TXNRD2: variants seen among roughly 807,000 people sequenced by gnomAD.
The protein encoded by TXNRD2 is thioredoxin reductase 2, mitochondrial.
Under a neutral mutation model 70.8 loss-of-function variants are expected in TXNRD2, and 67 were observed. The ratio of observed to expected loss-of-function variants is 0.95; its 90% CI spans 0.78 to 1.16. TXNRD2 has a LOEUF of 1.16. Among genes scored for constraint, TXNRD2 ranks in the 50% most tolerant of loss-of-function variants. TXNRD2 has a pLI of 0.00. For missense variants in TXNRD2, 644 were observed against 719.9 expected (o/e 0.89, Z 1.21); for synonymous variants, 301 against 295.8 (o/e 1.02, Z -0.18).
chr22:19,927,240 G>A (rs1418857430), intron 2 of TXNRD2, among the ~76,000 whole-genome samples: 2 of 152,174 alleles, frequency 1.3e-5, no homozygotes, highest in Non-Finnish European at 2.9e-5. Context: ...AGTGCAGTGA[G>A]CTGAGATTGT....
chr22:19,901,481 C>A (rs1939775673), intron 8 of TXNRD2, among the ~76,000 whole-genome samples: 1 of 152,192 alleles, frequency 6.6e-6, no homozygotes, highest in Non-Finnish European at 1.5e-5. Context: ...TGTGGAGGGT[C>A]ATTTTGGGCC....
intron 8 of TXNRD2, among the ~76,000 whole-genome samples, chr22:19,903,574 G>A (rs1233441695): frequency 6.6e-6 from 1 of 152,246 alleles, no homozygotes; most frequent in African/African-American, 2.4e-5. Context: ...CCCGGTGGAG[G>A]CAGCCCTCCA....
chr22:19,919,126 C>T (rs1327995943), intron 3 of TXNRD2, 122 bp from the exon 4 acceptor site: 5 of 907,298 alleles, frequency 5.5e-6, no homozygotes, highest in Non-Finnish European at 6.9e-6. Flanking sequence ...GACCAGCTGA[C>T]ATGCCACACG....
Position 19,880,278 on chromosome 22 carries a change from G to A in TXNRD2, c.1183-7C>T. The A allele has an allele frequency of 6.2e-7, 1 of 1,613,336 alleles. No homozygotes were observed. The highest frequency in any genetic ancestry group is 2.2e-5 in the East Asian group (1 of 44,876). On this transcript the variant is annotated splice_region_variant and splice_polypyrimidine_tract_variant and intron_variant, in intron 13 of 17. Transcript: ENST00000400521. ...TGAAGACGGTCGTGGGAACCTGAAA[G>A]CAGGTCTGGAGTCAGGGAGGGCCCT...
intron 2 of TXNRD2, among the ~76,000 whole-genome samples, chr22:19,922,982 C>G (rs567292763): frequency 6.6e-6 from 1 of 152,114 alleles, no homozygotes; most frequent in Non-Finnish European, 1.5e-5. Flanking sequence ...CCACCATGCC[C>G]GGCCAGGAAG....
chr22:19,918,325 A>C (rs1286934768), intron 4 of TXNRD2, 108 bp from the exon 5 acceptor site: 1 of 1,065,886 alleles, frequency 9.4e-7, no homozygotes, highest in African/African-American at 1.6e-5. Flanking sequence ...ATATCAAAAA[A>C]CAAGAGTGCT....
At chr22:19,904,208 C>T (rs1939904116) in intron 8 of TXNRD2, among the ~76,000 whole-genome samples, 1 of 152,160 alleles carries the variant, frequency 6.6e-6, no homozygotes, top group Non-Finnish European at 1.5e-5. Flanking sequence ...CACCCACCCA[C>T]AAGCTCACAC....
intron 12 of TXNRD2, among the ~76,000 whole-genome samples, chr22:19,881,594 G>C (rs1230584249): frequency 6.6e-6 from 1 of 152,184 alleles, no homozygotes; most frequent in South Asian, 2.1e-4. Context: ...CTGGCAAAAC[G>C]GTTTGAAATG....
rs1289695239 is a variant in TXNRD2 at position 19,931,956 on chromosome 22, CG to C, written c.104-859del. Reference sequence around the variant, plus strand: ...CGGGTGGATCACAAGGTTAGGAGATCGAGACCATCCTGGCTAACACAGTGAA... The same window carrying C: ...CGGGTGGATCACAAGGTTAGGAGATCAGACCATCCTGGCTAACACAGTGAA... On this transcript the variant is annotated intron_variant, in intron 1 of 17. Coordinates refer to ENST00000400521, the MANE Select transcript of TXNRD2 (RefSeq NM_006440.5). Among the ~76,000 whole-genome samples, 5 of 151,774 alleles carry C rather than the reference CG, an allele frequency of 3.3e-5. No homozygotes were observed. The East Asian group carries it at 5.8e-4, about 18-fold the overall frequency.
chr22:19,880,538 G>A (rs990529977), intron 13 of TXNRD2, 84 bp downstream of exon 13: 17 of 1,259,078 alleles, frequency 1.4e-5, no homozygotes, highest in East Asian at 1.2e-4. Flanking sequence ...GACACACAGC[G>A]CACAAAGGCC....
At position 19,915,770 on chromosome 22, in the gene TXNRD2, T is replaced by C; in HGVS notation, c.523A>G (p.Lys175Glu). 6.2e-7 allele frequency: 1 copy of C among 1,614,166 alleles called. No homozygotes were observed. The highest frequency in any genetic ancestry group is 8.5e-7 in the Non-Finnish European group (1 of 1,180,016). The change falls in exon 6 of 18, where the codon AAA (lysine) becomes GAA (glutamate). Residue 175 changes from lysine (K) to glutamate (E), a missense_variant. Around this residue, in one of 3 missense-constraint regions of TXNRD2, gnomAD observed 566 missense variants for 645.0 expected, o/e 0.88. Transcript: ENST00000400521. The stretch of plus-strand genomic sequence containing the variant: ...CGAGTAAGTCAGATGCTCACCTCTT[T>C]CCCACCTTTGGCAACGCCGCAAACC... Reference protein sequence around the residue: ...HTVCGVAKGGKEILLSADHII... With the variant: ...HTVCGVAKGGEEILLSADHII...
intron 2 of TXNRD2, among the ~76,000 whole-genome samples, chr22:19,923,912 TGGTAACTTG>T (rs1347625853): frequency 7.0e-6 from 1 of 143,520 alleles, no homozygotes; most frequent in Non-Finnish European, 1.5e-5. Flanking sequence ...CTGCCTTGCC[TGGTAACTTG>T]GGTACCTGGT....
intron 8 of TXNRD2, among the ~76,000 whole-genome samples, chr22:19,906,856 G>A: frequency 6.8e-6 from 1 of 147,554 alleles, no homozygotes; most frequent in Non-Finnish European, 1.5e-5. Flanking sequence ...TCAGGAGAGT[G>A]TGGGCGCCGT....
intron 14 of TXNRD2, among the ~76,000 whole-genome samples, chr22:19,879,646 C>T (rs998301075): frequency 1.3e-5 from 2 of 151,750 alleles, no homozygotes; most frequent in African/African-American, 2.4e-5. Flanking sequence ...AAGCAGAGGT[C>T]GGAGGCCCCT....
intron 11 of TXNRD2, 185 bp downstream of exon 11, chr22:19,895,222 C>T: frequency 1.3e-6 from 2 of 1,597,130 alleles, no homozygotes; most frequent in Non-Finnish European, 1.7e-6. Context: ...AAGATGGGCA[C>T]AGCCTAGTGT....
chr22:19,917,955 A>AG (rs1322103202), intron 5 of TXNRD2, among the ~76,000 whole-genome samples, 188 bp downstream of exon 5: 2 of 152,148 alleles, frequency 1.3e-5, no homozygotes, highest in Non-Finnish European at 1.5e-5. Context: ...TCAGCAGCAA[A>AG]GGGCAGTCTC....
At chr22:19,895,690 C>T (rs1601410440) in intron 10 of TXNRD2, 109 bp from the exon 11 acceptor site, 15 of 1,304,490 alleles carry the variant, frequency 1.1e-5, no homozygotes, top group Admixed American at 1.9e-5. Context: ...GGGGTCTGTG[C>T]GGAAGACGGG....
chr22:19,916,262 G>T (rs1940634366), intron 5 of TXNRD2: 2 of 232,160 alleles, frequency 8.6e-6, no homozygotes, highest in South Asian at 1.2e-4. Flanking sequence ...CAAGAGAACG[G>T]GCATGACAAG....
intron 2 of TXNRD2, among the ~76,000 whole-genome samples, chr22:19,930,528 A>G (rs1233753843): frequency 6.6e-6 from 1 of 151,860 alleles, no homozygotes; most frequent in Non-Finnish European, 1.5e-5. Context: ...CAGGCCAAGT[A>G]CAAGACTCAC....
Sources: gnomAD v4.1 joint callset for allele counts (sites outside exome capture counted in the v4.1 genomes callset) on GRCh38, gnomAD v4.1.1 for gene constraint, gnomAD v4.1.1 regional missense constraint, MANE v1.5 for transcripts, NCBI Gene and HGNC (gene_info 2026-07-23, HGNC 2026-07-21) for gene names.